Variants in C14orf132 observed in about 807,000 individuals in gnomAD.
The protein encoded by C14orf132 is chromosome 14 open reading frame 132, also known as uncharacterized protein C14orf132.
In C14orf132, 6 loss-of-function variants were observed where a neutral mutation model predicts 5.8. That is an observed-to-expected ratio of 1.03 (90% CI 0.57 to 2.04). C14orf132 has a LOEUF of 2.04. C14orf132 is among the 30% of genes most tolerant of loss of function. The pLI, the probability that C14orf132 is intolerant of heterozygous loss-of-function variation, is 0.00. For missense variants in C14orf132, 125 were observed against 115.8 expected, an observed-to-expected ratio of 1.08 and a Z score of -0.37; for synonymous variants, 51 against 49.8, an observed-to-expected ratio of 1.02 and a Z score of -0.10.
chr14:96,051,977 T>C (rs527571034), intron 1 of C14orf132, among the ~76,000 whole-genome samples: 13 of 152,382 alleles, frequency 8.5e-5, no homozygotes, highest in African/African-American at 3.1e-4. Flanking sequence ...TAGGTGAATC[T>C]TGAGCACCTG....
intron 1 of C14orf132, among the ~76,000 whole-genome samples, chr14:96,059,353 A>G (rs1391277544): frequency 6.6e-6 from 1 of 152,230 alleles, no homozygotes; most frequent in African/African-American, 2.4e-5. Context: ...TAATTTGTGC[A>G]AACAGCTTTG....
chr14:96,085,955 C>G (rs1274020487), intron 1 of C14orf132, among the ~76,000 whole-genome samples: 1 of 149,778 alleles, frequency 6.7e-6, no homozygotes, highest in Non-Finnish European at 1.5e-5. Context: ...CTGTCTCTGT[C>G]TCTCTCTCTC....
At chr14:96,040,557 A>G (rs1243314925) in intron 1 of C14orf132, among the ~76,000 whole-genome samples, 1 of 152,136 alleles carries the variant, frequency 6.6e-6, no homozygotes, top group Non-Finnish European at 1.5e-5. Flanking sequence ...TTTTTCCCCA[A>G]GCTTCACCTG....
chr14:96,057,611 A>C (rs1177044665), intron 1 of C14orf132, among the ~76,000 whole-genome samples: 1 of 152,208 alleles, frequency 6.6e-6, no homozygotes, highest in Non-Finnish European at 1.5e-5. Flanking sequence ...CCGGCCCAGC[A>C]GCAGACTCCT....
Position 96,090,947 on chromosome 14 carries a change from C to T in C14orf132, c.*4212C>T. 2.2e-6 allele frequency: 1 copy of T among 456,112 alleles called. No homozygotes were observed. Among genetic ancestry groups the T allele is most frequent in the Non-Finnish European group, 4.4e-6 (1 of 226,802 alleles). 28.3% of individuals were successfully genotyped at this position (456,112 alleles called of 1,614,324 possible). A position where few individuals can be genotyped will look rare whatever the true frequency, so the allele number is the denominator to read the frequency against. On this transcript the variant is annotated 3_prime_UTR_variant, in exon 2 of 2. Coordinates refer to ENST00000555004, the MANE Select transcript of C14orf132 (RefSeq NM_001252507.3). The stretch of plus-strand genomic sequence containing the variant: ...TTCATTATTAGCAGTAATATTATTC[C>T]CAGTTATTATTCTTACCGGTGCCAG...
At position 96,093,208 on chromosome 14, in the gene C14orf132, C is replaced by T. The variant is rs1357360482; in HGVS notation, c.*6473C>T. ...TAGAAATCCATGTGACTGTTTCCACCATCTTGGGCATTTGTGGGGACCCCC... is the reference window on the plus strand; with the variant it reads ...TAGAAATCCATGTGACTGTTTCCACTATCTTGGGCATTTGTGGGGACCCCC... On this transcript the variant is annotated 3_prime_UTR_variant, in exon 2 of 2. Coordinates refer to ENST00000555004, the MANE Select transcript of C14orf132 (RefSeq NM_001252507.3). 6.6e-6 allele frequency: 1 copy of T among 152,182 alleles called. No individual in the cohort carries two copies. The highest frequency in any genetic ancestry group is 1.5e-5 in the Non-Finnish European group (1 of 68,038). 9.4% of individuals were successfully genotyped at this position (152,182 alleles called of 1,614,324 possible). A position where few individuals can be genotyped will look rare whatever the true frequency, so the allele number is the denominator to read the frequency against.
At chr14:96,057,222 TA>T (rs1887211018) in intron 1 of C14orf132, among the ~76,000 whole-genome samples, 1 of 152,198 alleles carries the variant, frequency 6.6e-6, no homozygotes, top group African/African-American at 2.4e-5. Context: ...TAATGCCATC[TA>T]AAAGGCCTTG....
chr14:96,054,071 G>A (rs1342038756), intron 1 of C14orf132, among the ~76,000 whole-genome samples: 1 of 152,148 alleles, frequency 6.6e-6, no homozygotes, highest in Non-Finnish European at 1.5e-5. Flanking sequence ...GAGGGTGGTG[G>A]AAGTTCTGAC....
chr14:96,059,944 C>G (rs942211), intron 1 of C14orf132, among the ~76,000 whole-genome samples: 89,363 of 152,080 alleles, frequency 0.59, 26,841 homozygotes, highest in East Asian at 0.72. Flanking sequence ...AATGCATCTT[C>G]TTGGTGCCCA....
At chr14:96,068,846 T>C (rs1887613590) in intron 1 of C14orf132, among the ~76,000 whole-genome samples, 4 of 152,112 alleles carry the variant, frequency 2.6e-5, no homozygotes, top group Non-Finnish European at 5.9e-5. Context: ...TGACAGTGTT[T>C]CTGGATGAGG....
intron 1 of C14orf132, among the ~76,000 whole-genome samples, chr14:96,049,467 T>G (rs1886933634): frequency 6.8e-6 from 1 of 146,760 alleles, no homozygotes; most frequent in Non-Finnish European, 1.5e-5. Flanking sequence ...CAGCTATATA[T>G]ATATATGTGT....
intron 1 of C14orf132, among the ~76,000 whole-genome samples, chr14:96,085,333 A>G (rs1290470702): frequency 6.6e-6 from 1 of 152,186 alleles, no homozygotes; most frequent in Non-Finnish European, 1.5e-5. Context: ...AACATTGATT[A>G]TGGGCCAAAT....
chr14:96,067,747 T>C (rs1010398614), intron 1 of C14orf132, among the ~76,000 whole-genome samples: 1 of 151,466 alleles, frequency 6.6e-6, no homozygotes, highest in African/African-American at 2.4e-5. Flanking sequence ...CCCAGTGTCA[T>C]TGTGCCTGGT....
At position 96,088,804 on chromosome 14, in the gene C14orf132, C is replaced by G. The variant is rs1888291183; in HGVS notation, c.*2069C>G. On this transcript the variant is annotated 3_prime_UTR_variant, in exon 2 of 2. Transcript: ENST00000555004. ...GTCGGGAGACAGGGTTCTGTGTTTG[C>G]TGCGGTGAAGGGAGGAGAAGGCAGG... 6.6e-6 allele frequency: 1 copy of G among 152,350 alleles called. No individual in the cohort carries two copies. Among genetic ancestry groups the G allele is most frequent in the Non-Finnish European group, 1.5e-5 (1 of 68,150 alleles). The allele number at this position is 152,350 out of a possible 1,614,324, so 9.4% of individuals were successfully genotyped here.
At chr14:96,051,692 G>A (rs1276008974) in intron 1 of C14orf132, among the ~76,000 whole-genome samples, 1 of 152,088 alleles carries the variant, frequency 6.6e-6, no homozygotes, top group Non-Finnish European at 1.5e-5. Flanking sequence ...CCTTCTCTCT[G>A]ACCTCCTGCC....
intron 1 of C14orf132, among the ~76,000 whole-genome samples, chr14:96,058,156 C>T (rs893529926): frequency 1.3e-5 from 2 of 152,092 alleles, no homozygotes; most frequent in African/African-American, 4.8e-5. Flanking sequence ...GGCTCACTTC[C>T]TCAGCTCAGG....
chr14:96,054,967 G>A (rs960308504), intron 1 of C14orf132, among the ~76,000 whole-genome samples: 4 of 152,140 alleles, frequency 2.6e-5, no homozygotes, highest in Non-Finnish European at 5.9e-5. Flanking sequence ...GTTCAGCCAC[G>A]TCTCTCCTCC....
Position 96,090,209 on chromosome 14 carries a change from T to C in C14orf132, c.*3474T>C, listed in dbSNP as rs977912671. The C allele has an allele frequency of 6.0e-6, 1 of 166,436 alleles. No homozygotes were observed. Among genetic ancestry groups the C allele is most frequent in the African/African-American group, 2.4e-5 (1 of 41,436 alleles). 10.3% of individuals were successfully genotyped at this position (166,436 alleles called of 1,614,324 possible). Reference sequence around the variant, plus strand: ...GAGTTCAAGACCAGCCTGGCCAACATGGTGAAACCCTGTCTCTACAAAAAA... The same window carrying C: ...GAGTTCAAGACCAGCCTGGCCAACACGGTGAAACCCTGTCTCTACAAAAAA... On this transcript the variant is annotated 3_prime_UTR_variant, in exon 2 of 2. Coordinates refer to ENST00000555004, the MANE Select transcript of C14orf132 (RefSeq NM_001252507.3).
At chr14:96,066,751 A>G (rs1473792069) in intron 1 of C14orf132, among the ~76,000 whole-genome samples, 1 of 152,210 alleles carries the variant, frequency 6.6e-6, no homozygotes, top group Admixed American at 6.5e-5. Flanking sequence ...ACATCTAACT[A>G]TAAGATAATG....
Sources: gnomAD v4.1 joint callset for allele counts (sites outside exome capture counted in the v4.1 genomes callset) on GRCh38, gnomAD v4.1.1 for gene constraint, MANE v1.5 for transcripts, NCBI Gene and HGNC (gene_info 2026-07-23, HGNC 2026-07-21) for gene names.